PRKCD: variants seen among roughly 807,000 people sequenced by gnomAD.
PRKCD encodes the protein protein kinase C delta, also known as protein kinase C delta type.
In PRKCD, 20 loss-of-function variants were observed where a neutral mutation model predicts 82.2. The observed-to-expected ratio is 0.24, with a 90% CI of 0.17 to 0.35. The LOEUF (loss-of-function observed/expected upper bound fraction) is 0.35. PRKCD is among the 10% of genes least tolerant of loss of function. The pLI is 1.00. For missense variants in PRKCD, 607 were observed against 899.0 expected (o/e 0.68, Z 4.15); for synonymous variants, 317 against 337.0 (o/e 0.94, Z 0.65).
At chr3:53,191,959 G>T in intron 18 of PRKCD, 149 bp from the exon 19 acceptor site, 2 of 732,230 alleles carry the variant, frequency 2.7e-6, no homozygotes, top group East Asian at 2.7e-5. Context: ...TTCCCATGGG[G>T]CTCCTTTCAG....
chr3:53,183,030 A>G, intron 7 of PRKCD, 91 bp from the exon 8 acceptor site: 1 of 1,310,896 alleles, frequency 7.6e-7, no homozygotes. Context: ...GGCTTTGTGT[A>G]GAGGGCTAGA....
chr3:53,171,149 C>G (rs538370432), intron 2 of PRKCD, among the ~76,000 whole-genome samples: 37 of 152,294 alleles, frequency 2.4e-4, no homozygotes, highest in African/African-American at 8.4e-4. Context: ...CACAGAGGCC[C>G]CTTGTCCTCA....
intron 15 of PRKCD, among the ~76,000 whole-genome samples, chr3:53,188,180 T>G (rs1703779530): frequency 7.5e-5 from 2 of 26,782 alleles, no homozygotes; most frequent in Admixed American, 7.3e-4. Flanking sequence ...AGAATGAGAC[T>G]GTGTCTCAAA....
At position 53,186,657 on chromosome 3, in the gene PRKCD, C is replaced by T; in HGVS notation, c.1314C>T (p.His438=). Residue 438 remains histidine, a synonymous_variant, in exon 14 of 19, where the codon CAC becomes CAT. Coordinates refer to ENST00000330452, the MANE Select transcript of PRKCD (RefSeq NM_006254.4). ...EFLNGGDLMY[H]IQDKGRFELY... is the part of the protein sequence containing the mutation. ...TCAACGGGGGGGACCTGATGTACCA[C>T]ATCCAGGACAAAGGCCGCTTTGAAC... is the stretch of plus-strand genomic sequence containing the variant. The T allele has an allele frequency of 6.2e-7, 1 of 1,614,034 alleles. No individual in the cohort carries two copies. The highest frequency in any genetic ancestry group is 1.1e-5 in the South Asian group (1 of 91,070).
At chr3:53,189,653 T>G (rs1411060813) in intron 17 of PRKCD, among the ~76,000 whole-genome samples, 2 of 152,182 alleles carry the variant, frequency 1.3e-5, no homozygotes, top group Non-Finnish European at 2.9e-5. Flanking sequence ...TAATAAAAAG[T>G]TCCACCAGCA....
intron 11 of PRKCD, 103 bp from the exon 12 acceptor site, chr3:53,185,824 C>G (rs1553668899): frequency 6.6e-7 from 1 of 1,522,776 alleles, no homozygotes. Flanking sequence ...GGAGCGAGCC[C>G]CTTCCTCTCT....
intron 2 of PRKCD, among the ~76,000 whole-genome samples, chr3:53,175,695 G>T (rs576088120): frequency 1.3e-5 from 2 of 152,254 alleles, no homozygotes; most frequent in African/African-American, 4.8e-5. Context: ...ATCCTCCGAG[G>T]CACTCAGAAG....
rs557772373 is a variant in PRKCD, at chr3:53,188,187, C to CAAAA, written c.1416-509_1416-506dup. Among the ~76,000 whole-genome samples the CAAAA allele has an allele frequency of 1.3e-3, 61 of 45,578 alleles. 11 individuals are homozygous for CAAAA. Among genetic ancestry groups the CAAAA allele is most frequent in the African/African-American group, 3.7e-3 (50 of 13,646 alleles). 29.9% of individuals were successfully genotyped at this position (45,578 alleles called of 152,430 possible). A position where few individuals can be genotyped will look rare whatever the true frequency, so the allele number is the denominator to read the frequency against. On this transcript the variant is annotated intron_variant, in intron 15 of 18. Coordinates refer to ENST00000330452, the MANE Select transcript of PRKCD (RefSeq NM_006254.4). ...TGTGTGACAGAATGAGACTGTGTCTCAAAAAAAAAAAAAAAAAAAAAAAAA... is the reference window on the plus strand; with the variant it reads ...TGTGTGACAGAATGAGACTGTGTCTCAAAAAAAAAAAAAAAAAAAAAAAAAAAAA...
chr3:53,175,003 T>C (rs1703166234), intron 2 of PRKCD, among the ~76,000 whole-genome samples: 1 of 152,356 alleles, frequency 6.6e-6, no homozygotes, highest in East Asian at 1.9e-4. Flanking sequence ...GGGGCTTCTC[T>C]GACCCACTGT....
At chr3:53,184,818 C>A in intron 9 of PRKCD, 56 bp from the exon 10 acceptor site, 2 of 1,490,544 alleles carry the variant, frequency 1.3e-6, no homozygotes, top group African/African-American at 2.8e-5. Context: ...TCCTACACTG[C>A]CCCCTGCCCT....
rs931477086 is a variant in PRKCD, at chr3:53,169,961, C to A, written c.-20+4746C>A. Among the ~76,000 whole-genome samples the A allele has an allele frequency of 6.6e-6, 1 of 152,202 alleles. No individual in the cohort carries two copies. The highest frequency in any genetic ancestry group is 2.4e-5 in the African/African-American group (1 of 41,440). ...CTGTCCGCTGCCTGCTGTGGGATGGCGCACCATGCGGGATGGTCCTGCCTC... is the reference window on the plus strand; with the variant it reads ...CTGTCCGCTGCCTGCTGTGGGATGGAGCACCATGCGGGATGGTCCTGCCTC... On this transcript the variant is annotated intron_variant, in intron 2 of 18. Coordinates refer to ENST00000330452, the MANE Select transcript of PRKCD (RefSeq NM_006254.4). This position sits in a 1 kb window ranked among gnomAD's most constrained non-coding sequence, Gnocchi z 4.7.
intron 10 of PRKCD, 74 bp from the exon 11 acceptor site, chr3:53,185,530 G>A (rs890436703): frequency 4.1e-5 from 52 of 1,261,144 alleles, no homozygotes; most frequent in Non-Finnish European, 5.7e-5. Context: ...GTTATACCTG[G>A]GAGTCTTCCT....
At position 53,169,514 on chromosome 3, in the gene PRKCD, C is replaced by T. The variant is rs1240244568; in HGVS notation, c.-20+4299C>T. On this transcript the variant is annotated intron_variant, in intron 2 of 18. Coordinates refer to ENST00000330452, the MANE Select transcript of PRKCD (RefSeq NM_006254.4). The surrounding 1 kb of genome is among the most constrained non-coding windows in gnomAD (Gnocchi z 4.7). ...GGAAGCTTTGGATCATGTCTATGGC[C>T]GTGTTGGGTAAACAGGCAGAGCAGA... 1.3e-5 allele frequency among the ~76,000 whole-genome samples: 2 copies of T among 151,986 alleles called. No individual in the cohort carries two copies. Among genetic ancestry groups the T allele is most frequent in the Admixed American group, 1.3e-4 (2 of 15,272 alleles).
At chr3:53,162,922 T>C (rs903502212) in intron 1 of PRKCD, among the ~76,000 whole-genome samples, 1 of 152,128 alleles carries the variant, frequency 6.6e-6, no homozygotes, top group South Asian at 2.1e-4. Flanking sequence ...CGTGTGGCTC[T>C]CCCTCTGCCA....
At chr3:53,162,063 T>C (rs1553663094) in intron 1 of PRKCD, among the ~76,000 whole-genome samples, 1 of 151,898 alleles carries the variant, frequency 6.6e-6, no homozygotes. Context: ...TCGCTGTCTC[T>C]TCTTTCGGTC....
chr3:53,189,027 C>A (rs782620931), intron 16 of PRKCD, 31 bp from the exon 17 acceptor site: 4 of 1,593,348 alleles, frequency 2.5e-6, no homozygotes, highest in Non-Finnish European at 2.6e-6. Flanking sequence ...CACCTCAGCT[C>A]CTGCTGACCT....
chr3:53,168,506 C>A (rs1553664275), intron 2 of PRKCD, among the ~76,000 whole-genome samples: 2 of 152,130 alleles, frequency 1.3e-5, no homozygotes, highest in African/African-American at 4.8e-5. Context: ...AGGAGCAGGA[C>A]TTCTGCAGGC....
intron 2 of PRKCD, among the ~76,000 whole-genome samples, chr3:53,167,984 A>T (rs1553664181): frequency 6.6e-6 from 1 of 152,198 alleles, no homozygotes; most frequent in Non-Finnish European, 1.5e-5. Context: ...TCCCTTTCAA[A>T]GGGAGAAAAT....
At chr3:53,179,847 T>C in intron 4 of PRKCD, 71 bp downstream of exon 4, 2 of 1,528,162 alleles carry the variant, frequency 1.3e-6, no homozygotes, top group African/African-American at 2.7e-5. Flanking sequence ...CGTGCATGTG[T>C]GTGCGTGCAC....
Sources: allele counts gnomAD v4.1 joint callset (sites outside exome capture counted in the v4.1 genomes callset), GRCh38; gene constraint gnomAD v4.1.1; non-coding constraint Gnocchi (gnomAD v3.1); transcripts MANE v1.5; gene names NCBI Gene and HGNC (gene_info 2026-07-23, HGNC 2026-07-21).